Variants in LCLAT1 observed in about 807,000 individuals in gnomAD.
LCLAT1 encodes 1-AGP acyltransferase 8.
Under a neutral mutation model 30.7 loss-of-function variants are expected in LCLAT1, and 11 were observed. That is an observed-to-expected ratio of 0.36 (90% CI 0.23 to 0.59). The LOEUF (loss-of-function observed/expected upper bound fraction) is 0.59. Among genes scored for constraint, LCLAT1 ranks in the 20% least tolerant of loss-of-function variants. The probability of loss-of-function intolerance (pLI) is 0.77; values close to 1 mark genes in which losing one functional copy is unlikely to be tolerated. For synonymous variants in LCLAT1, 155 were observed against 151.3 expected, an observed-to-expected ratio of 1.02 and a Z score of -0.18; for missense variants, 402 against 458.6, an observed-to-expected ratio of 0.88 and a Z score of 1.13.
intron 1 of LCLAT1, among the ~76,000 whole-genome samples, chr2:30,488,331 G>C (rs1358971001): frequency 1.3e-5 from 2 of 152,206 alleles, no homozygotes; most frequent in African/African-American, 4.8e-5. Flanking sequence ...AATCTTCATA[G>C]CTTGCTGCTA....
At chr2:30,618,387 T>C (rs552019311) in intron 5 of LCLAT1, among the ~76,000 whole-genome samples, 1 of 152,206 alleles carries the variant, frequency 6.6e-6, no homozygotes, top group East Asian at 1.9e-4. Flanking sequence ...TTTTCCAGTC[T>C]ATGAACATAG....
intron 1 of LCLAT1, among the ~76,000 whole-genome samples, chr2:30,469,980 C>T (rs867874587): frequency 2.0e-5 from 3 of 152,120 alleles, no homozygotes; most frequent in Admixed American, 6.5e-5. Context: ...ATCCACCCGC[C>T]TCAGCCTCCC....
intron 5 of LCLAT1, among the ~76,000 whole-genome samples, chr2:30,615,044 GA>G (rs1667930190): frequency 6.6e-6 from 1 of 152,152 alleles, no homozygotes; most frequent in Non-Finnish European, 1.5e-5. Context: ...AAAGAGGATT[GA>G]AGACAGTGAG....
intron 3 of LCLAT1, among the ~76,000 whole-genome samples, chr2:30,533,537 GA>G (rs1212032210): frequency 6.6e-6 from 1 of 152,138 alleles, no homozygotes; most frequent in Non-Finnish European, 1.5e-5. Flanking sequence ...TGTTCTCAAG[GA>G]AATGGATATA....
chr2:30,471,896 A>G (rs755729895), intron 1 of LCLAT1, among the ~76,000 whole-genome samples: 22 of 152,172 alleles, frequency 1.4e-4, no homozygotes, highest in Admixed American at 3.3e-4. Context: ...TTCTAGTACA[A>G]TGTTGAATAA....
At chr2:30,639,308 T>G (rs1393978787) in intron 5 of LCLAT1, among the ~76,000 whole-genome samples, 1 of 152,186 alleles carries the variant, frequency 6.6e-6, no homozygotes, top group Non-Finnish European at 1.5e-5. Flanking sequence ...CCAGTTACGT[T>G]GAGAACATCT....
At chr2:30,584,606 T>C (rs1160196981) in intron 5 of LCLAT1, among the ~76,000 whole-genome samples, 8 of 152,168 alleles carry the variant, frequency 5.3e-5, no homozygotes, top group Admixed American at 5.2e-4. Context: ...TTCTTTCTAG[T>C]TTATTGTCTG....
intron 3 of LCLAT1, among the ~76,000 whole-genome samples, chr2:30,550,343 C>A (rs1279400084): frequency 6.6e-6 from 1 of 152,164 alleles, no homozygotes; most frequent in Non-Finnish European, 1.5e-5. Flanking sequence ...CAGACTTCAC[C>A]AATTTTTCCA....
intron 5 of LCLAT1, among the ~76,000 whole-genome samples, chr2:30,568,789 G>A (rs757669310): frequency 9.4e-5 from 13 of 138,616 alleles, no homozygotes; most frequent in Non-Finnish European, 1.5e-4. Context: ...TTACAGGCGT[G>A]AGCCACGGCG....
chr2:30,512,965 A>C (rs1211366022), intron 1 of LCLAT1, among the ~76,000 whole-genome samples: 2 of 152,180 alleles, frequency 1.3e-5, no homozygotes, highest in East Asian at 1.9e-4. Flanking sequence ...TTATTAATTA[A>C]AAATGCACAT....
At chr2:30,528,778 T>C (rs755922426) in intron 2 of LCLAT1, among the ~76,000 whole-genome samples, 1 of 152,198 alleles carries the variant, frequency 6.6e-6, no homozygotes, top group African/African-American at 2.4e-5. Flanking sequence ...TTAGTATACA[T>C]TTGGAAAACT....
intron 1 of LCLAT1, among the ~76,000 whole-genome samples, chr2:30,521,054 G>C (rs924961643): frequency 6.6e-6 from 1 of 152,128 alleles, no homozygotes; most frequent in African/African-American, 2.4e-5. Context: ...TGATAAAACA[G>C]GTTGCAGTTA....
Position 30,641,018 on chromosome 2 carries a change from T to G in LCLAT1, c.*399T>G, listed in dbSNP as rs72863050. On this transcript the variant is annotated 3_prime_UTR_variant, in exon 6 of 6. Transcript: ENST00000379509. ...CTGTTACTGGACTGCCCAGGTCACCTCATTGAGGTGAGCGCTGTCCCTCCA... is the reference window on the plus strand; with the variant it reads ...CTGTTACTGGACTGCCCAGGTCACCGCATTGAGGTGAGCGCTGTCCCTCCA... 0.033 allele frequency: 5,739 copies of G among 175,036 alleles called. 375 individuals carry two copies. Among genetic ancestry groups the G allele is most frequent in the African/African-American group, 0.13 (5,399 of 41,648 alleles). 10.8% of individuals were successfully genotyped at this position (175,036 alleles called of 1,614,324 possible). A position where few individuals can be genotyped will look rare whatever the true frequency, so the allele number is the denominator to read the frequency against.
At chr2:30,616,076 A>G (rs911980010) in intron 5 of LCLAT1, among the ~76,000 whole-genome samples, 9 of 152,178 alleles carry the variant, frequency 5.9e-5, no homozygotes, top group African/African-American at 2.2e-4. Flanking sequence ...GTGCATGTGT[A>G]ATTAGAAGCT....
At chr2:30,532,968 A>T (rs1387871649) in intron 2 of LCLAT1, 148 bp from the exon 3 acceptor site, 1 of 622,476 alleles carries the variant, frequency 1.6e-6, no homozygotes, top group African/African-American at 1.8e-5. Context: ...TAACCTCACC[A>T]CTCAATTTTT....
At chr2:30,554,682 T>G (rs1425460777) in intron 3 of LCLAT1, among the ~76,000 whole-genome samples, 1 of 152,208 alleles carries the variant, frequency 6.6e-6, no homozygotes, top group African/African-American at 2.4e-5. Context: ...TTATTATAAT[T>G]ACACAATTTG....
chr2:30,501,238 A>G (rs543713588), intron 1 of LCLAT1, among the ~76,000 whole-genome samples: 15 of 152,152 alleles, frequency 9.9e-5, no homozygotes, highest in Admixed American at 2.0e-4. Context: ...TTCTCTGTCA[A>G]TACTCATCTC....
At chr2:30,555,278 A>G (rs750642976) in intron 3 of LCLAT1, among the ~76,000 whole-genome samples, 88 of 152,164 alleles carry the variant, frequency 5.8e-4, no homozygotes, top group Admixed American at 2.9e-3. Flanking sequence ...ACTAGCCTCT[A>G]AAATTGAGAA....
chr2:30,562,077 T>C (rs2148441054), intron 3 of LCLAT1, 69 bp from the exon 4 acceptor site: 1 of 1,087,846 alleles, frequency 9.2e-7, no homozygotes, highest in Non-Finnish European at 1.3e-6. Flanking sequence ...AACTGAAATA[T>C]TGTATTCAAT....
Sources: allele counts gnomAD v4.1 joint callset (sites outside exome capture counted in the v4.1 genomes callset), GRCh38; gene constraint gnomAD v4.1.1; transcripts MANE v1.5; gene names NCBI Gene and HGNC (gene_info 2026-07-23, HGNC 2026-07-21).